ARFGEF3: variants seen among roughly 807,000 people sequenced by gnomAD.
ARFGEF3 encodes brefeldin A-inhibited guanine nucleotide-exchange protein 3.
Under a neutral mutation model 221.7 loss-of-function variants are expected in ARFGEF3, and 96 were observed. The ratio of observed to expected loss-of-function variants is 0.43; its 90% CI spans 0.37 to 0.51. ARFGEF3 has a LOEUF of 0.51. Among genes scored for constraint, ARFGEF3 ranks in the 20% least tolerant of loss-of-function variants. ARFGEF3 has a pLI of 0.00. For synonymous variants in ARFGEF3, 1,145 were observed against 1,126.8 expected, an observed-to-expected ratio of 1.02 and a Z score of -0.32; for missense variants, 2,410 against 2,789.9, an observed-to-expected ratio of 0.86 and a Z score of 3.07.
At chr6:138,333,331 T>G (rs1223256031) in intron 32 of ARFGEF3, among the ~76,000 whole-genome samples, 1 of 152,134 alleles carries the variant, frequency 6.6e-6, no homozygotes, top group Non-Finnish European at 1.5e-5. Flanking sequence ...CAAAAAGACT[T>G]CCCAGCCCCC....
chr6:138,319,986 T>C, intron 28 of ARFGEF3, 107 bp downstream of exon 28: 1 of 897,942 alleles, frequency 1.1e-6, no homozygotes, highest in Admixed American at 2.8e-5. Context: ...TGCAGGGTTT[T>C]TGTCCTGGGA....
Position 138,263,626 on chromosome 6 carries a change from C to T in ARFGEF3, c.2128+15C>T. 1 of 1,580,924 alleles carries T rather than the reference C, an allele frequency of 6.3e-7. No homozygotes were observed. Among genetic ancestry groups the T allele is most frequent in the Non-Finnish European group, 8.6e-7 (1 of 1,165,760 alleles). ...TTTCTGCTCAGGTTTGTAAACAATT[C>T]TCTGCTGTATAGTCAACAAGATTAT... On this transcript the variant is annotated intron_variant, in intron 12 of 33. Transcript: ENST00000251691.
intron 22 of ARFGEF3, among the ~76,000 whole-genome samples, chr6:138,306,933 T>G (rs1463548659): frequency 9.5e-5 from 14 of 146,994 alleles, no homozygotes; most frequent in Admixed American, 2.7e-4. Flanking sequence ...AATTATATCT[T>G]GGGAATATAT....
chr6:138,205,499 G>C (rs545157715), intron 2 of ARFGEF3, among the ~76,000 whole-genome samples: 5 of 152,040 alleles, frequency 3.3e-5, no homozygotes. Context: ...TCATACCTCC[G>C]TTTAATTTTT....
chr6:138,308,414 C>T (rs1779765274), intron 23 of ARFGEF3, among the ~76,000 whole-genome samples: 1 of 152,182 alleles, frequency 6.6e-6, no homozygotes, highest in African/African-American at 2.4e-5. Context: ...TAAACCTGCC[C>T]TGCTGTGCCC....
At chr6:138,287,571 AGCAGAC>A (rs1343044373) in intron 17 of ARFGEF3, among the ~76,000 whole-genome samples, 1 of 152,234 alleles carries the variant, frequency 6.6e-6, no homozygotes, top group Non-Finnish European at 1.5e-5. Context: ...GGGGAAATTA[AGCAGAC>A]GAAGAAAATT....
At chr6:138,171,860 T>C (rs78061773) in intron 2 of ARFGEF3, among the ~76,000 whole-genome samples, 1 of 152,250 alleles carries the variant, frequency 6.6e-6, no homozygotes, top group Non-Finnish European at 1.5e-5. Context: ...TATATGGCTG[T>C]AGCATAATTC....
intron 6 of ARFGEF3, among the ~76,000 whole-genome samples, chr6:138,239,854 A>G (rs75983992): frequency 0.057 from 8,685 of 152,122 alleles, 518 homozygotes; most frequent in African/African-American, 0.15. Flanking sequence ...TTCCTCATTT[A>G]TAGATGAGAA....
At chr6:138,269,874 A>G (rs764298957) in intron 12 of ARFGEF3, among the ~76,000 whole-genome samples, 2 of 152,134 alleles carry the variant, frequency 1.3e-5, no homozygotes, top group Non-Finnish European at 2.9e-5. Flanking sequence ...TTTCCTCTAA[A>G]TTGAGTCTGA....
At chr6:138,218,299 G>A in intron 4 of ARFGEF3, 1 of 1,584,168 alleles carries the variant, frequency 6.3e-7, no homozygotes, top group Admixed American at 1.9e-5. Context: ...GGTAGCCTTG[G>A]GAAGTTACTT....
At position 138,328,142 on chromosome 6, in the gene ARFGEF3, G is replaced by T. The variant is rs766373382; in HGVS notation, c.5123G>T (p.Ser1708Ile). ...DEKPNGHTKK[S>I]VSFREIVVSL... Reference sequence around the variant, plus strand: ...AAACCAAATGGACACACCAAGAAAAGGTAAGTACCTAAATCTCAACTCATA... The same window carrying T: ...AAACCAAATGGACACACCAAGAAAATGTAAGTACCTAAATCTCAACTCATA... Residue 1708 changes from serine (S) to isoleucine (I), a missense_variant and splice_region_variant, in exon 32 of 34, where the codon AGC (serine) becomes ATC (isoleucine). Physicochemically the swap from Ser to Ile is moderately radical, Grantham distance 142. Transcript: ENST00000251691. 6.3e-7 allele frequency: 1 copy of T among 1,593,148 alleles called. No individual in the cohort carries two copies.
intron 2 of ARFGEF3, among the ~76,000 whole-genome samples, chr6:138,182,245 C>A (rs982765984): frequency 6.6e-6 from 1 of 152,140 alleles, no homozygotes; most frequent in African/African-American, 2.4e-5. Context: ...ATTAGCTCTC[C>A]AATTATTTGA....
chr6:138,262,971 G>A lies in ARFGEF3; in HGVS notation c.1488G>A (p.Gly496=), dbSNP rs950745833. ...LSSEHTPWES[G]NERSLDISIS... ...CAGAACACACGCCGTGGGAGTCAGG[G>A]AACGAGAGGAGCCTTGACATCAGCA... The change falls in exon 12 of 34, where the codon GGG becomes GGA. Residue 496 remains glycine, a synonymous_variant. Transcript: ENST00000251691. The A allele has an allele frequency of 6.3e-7, 1 of 1,598,684 alleles. No individual in the cohort carries two copies. Among genetic ancestry groups the A allele is most frequent in the Admixed American group, 1.8e-5 (1 of 56,858 alleles).
At position 138,291,969 on chromosome 6, in the gene ARFGEF3, G is replaced by T; in HGVS notation, c.3284G>T (p.Arg1095Leu). The T allele has an allele frequency of 6.5e-7, 1 of 1,534,128 alleles. No homozygotes were observed. The highest frequency in any genetic ancestry group is 8.7e-7 in the Non-Finnish European group (1 of 1,142,858). The stretch of plus-strand genomic sequence containing the variant: ...CTCGTCCGGGAAGGCAGCCGGGGTC[G>T]GGCCTCCGACTTCCGCGGCGGGAGC... ...QDLVREGSRGRASDFRGGSLM... is the reference protein window; with the variant it reads ...QDLVREGSRGLASDFRGGSLM... The change falls in exon 19 of 34, where the codon CGG becomes CTG. Residue 1095 changes from arginine to leucine, a missense_variant. Arg to Leu is a moderately radical substitution (Grantham distance 102, BLOSUM62 -2). Transcript: ENST00000251691. This position sits in a 1 kb window ranked among gnomAD's most constrained non-coding sequence, Gnocchi z 4.5.
intron 2 of ARFGEF3, among the ~76,000 whole-genome samples, chr6:138,181,200 A>G (rs1333464521): frequency 1.3e-5 from 2 of 152,156 alleles, no homozygotes; most frequent in African/African-American, 2.4e-5. Flanking sequence ...CACTTAAAGA[A>G]GTCACCACTT....
At chr6:138,204,339 CAAAAAAAAAAAAA>C (rs11336345) in intron 2 of ARFGEF3, among the ~76,000 whole-genome samples, 2 of 60,430 alleles carry the variant, frequency 3.3e-5, no homozygotes, top group South Asian at 8.7e-4. Context: ...ACTCCATCTC[CAAAAAAAAAAAAA>C]AAAAAAAAAA....
At chr6:138,195,982 G>A (rs1342862733) in intron 2 of ARFGEF3, among the ~76,000 whole-genome samples, 2 of 145,582 alleles carry the variant, frequency 1.4e-5, no homozygotes, top group Non-Finnish European at 3.0e-5. Context: ...CAGAAAGAAA[G>A]GAGTGTCTTG....
intron 4 of ARFGEF3, among the ~76,000 whole-genome samples, chr6:138,223,970 G>A (rs1038504168): frequency 2.6e-5 from 4 of 152,180 alleles, no homozygotes; most frequent in Non-Finnish European, 5.9e-5. Context: ...CAACAACTAC[G>A]CTGGATGTGG....
At chr6:138,200,127 A>G (rs1275178366) in intron 2 of ARFGEF3, among the ~76,000 whole-genome samples, 1 of 152,160 alleles carries the variant, frequency 6.6e-6, no homozygotes, top group Non-Finnish European at 1.5e-5. Context: ...GCATCTATTG[A>G]GATGATCATG....
Sources: allele counts gnomAD v4.1 joint callset (sites outside exome capture counted in the v4.1 genomes callset), GRCh38; gene constraint gnomAD v4.1.1; non-coding constraint Gnocchi (gnomAD v3.1); transcripts MANE v1.5; gene names NCBI Gene and HGNC (gene_info 2026-07-23, HGNC 2026-07-21).